The following UBE2J2 variants were observed in gnomAD, a reference collection of about 807,000 sequenced individuals.
UBE2J2 encodes the protein ubiquitin conjugating enzyme E2 J2.
UBE2J2 carries 5 observed loss-of-function variants against 28.6 expected under a neutral mutation model. The ratio of observed to expected loss-of-function variants is 0.17; its 90% confidence interval spans 0.09 to 0.37. The LOEUF (loss-of-function observed/expected upper bound fraction) is 0.37, where lower values mean the gene tolerates loss of function less well. UBE2J2 is among the 10% of genes least tolerant of loss of function. The probability of loss-of-function intolerance (pLI) is 1.00; values close to 1 mark genes in which losing one functional copy is unlikely to be tolerated. For synonymous variants in UBE2J2, 138 were observed against 139.7 expected, an observed-to-expected ratio of 0.99 and a Z score of 0.09; for missense variants, 226 against 338.9, an observed-to-expected ratio of 0.67 and a Z score of 2.62.
chr1:1,272,211 T>G (rs1389909044), intron 1 of UBE2J2, among the ~76,000 whole-genome samples: 1 of 151,776 alleles, frequency 6.6e-6, no homozygotes, highest in Non-Finnish European at 1.5e-5. Flanking sequence ...CATATGTGCC[T>G]CGGGTTCCCT....
At chr1:1,264,303 C>T (rs999829636) in intron 2 of UBE2J2, among the ~76,000 whole-genome samples, 5 of 152,198 alleles carry the variant, frequency 3.3e-5, no homozygotes, top group South Asian at 2.1e-4. Context: ...TTCTGCTTTA[C>T]GTAAAGAAGT....
Position 1,267,988 on chromosome 1 carries a change from C to T in UBE2J2, c.5G>A (p.Ser2Asn). 1 of 1,613,918 alleles carries T rather than the reference C, an allele frequency of 6.2e-7. No individual in the cohort carries two copies. Among genetic ancestry groups the T allele is most frequent in the Non-Finnish European group, 8.5e-7 (1 of 1,179,944 alleles). M[S>N]STSSKRAPTT... The stretch of plus-strand genomic sequence containing the variant: ...CGGAGCCCTCTTACTGCTGGTGCTG[C>T]TCATCTGTTAAAAGCAACGTCTACA... The change falls in exon 2 of 7, where the codon AGC becomes AAC. Residue 2 changes from serine to asparagine, a missense_variant. Ser to Asn is a conservative substitution (Grantham distance 46, BLOSUM62 1). Coordinates refer to ENST00000349431, the MANE Select transcript of UBE2J2 (RefSeq NM_058167.3).
At chr1:1,262,058 T>C (rs946479431) in intron 3 of UBE2J2, 1 of 261,264 alleles carries the variant, frequency 3.8e-6, no homozygotes, top group African/African-American at 2.3e-5. Context: ...GGTTTCTCCG[T>C]GTTGGTCAGG....
chr1:1,260,569 G>A (rs915325788), intron 3 of UBE2J2, among the ~76,000 whole-genome samples: 2 of 152,190 alleles, frequency 1.3e-5, no homozygotes, highest in African/African-American at 4.8e-5. Flanking sequence ...GGCACCAAGA[G>A]CCACACACAC....
Position 1,257,333 on chromosome 1 carries a change from G to A in UBE2J2, c.173-23C>T, listed in dbSNP as rs755753133. On this transcript the variant is annotated intron_variant, in intron 3 of 6. Transcript: ENST00000349431. ...CACCTACATGGAAACAAAACAGAAA[G>A]GGCCTTGTCGTCCGCCACAGCAGGG... The A allele has an allele frequency of 3.3e-6, 5 of 1,522,708 alleles. No individual in the cohort carries two copies. In the African/African-American group the frequency reaches 5.6e-5, roughly 17 times the overall value. 94.3% of individuals were successfully genotyped at this position (1,522,708 alleles called of 1,614,324 possible). A position where few individuals can be genotyped will look rare whatever the true frequency, so the allele number is the denominator to read the frequency against.
At chr1:1,263,142 CCTG>C in intron 3 of UBE2J2, 1 of 554,592 alleles carries the variant, frequency 1.8e-6, no homozygotes, top group South Asian at 2.0e-5. Flanking sequence ...TACAGGCGGC[CCTG>C]CAGGCTGAGA....
intron 1 of UBE2J2, among the ~76,000 whole-genome samples, chr1:1,270,141 C>T (rs2100241938): frequency 6.6e-6 from 1 of 152,302 alleles, no homozygotes; most frequent in Middle Eastern, 3.4e-3. Context: ...TTGTAAGTTT[C>T]CTGAGGCCTC....
At chr1:1,271,550 T>C (rs1181578881) in intron 1 of UBE2J2, 2 of 152,114 alleles carry the variant, frequency 1.3e-5, no homozygotes, top group African/African-American at 4.8e-5. Flanking sequence ...ACGATTCAAC[T>C]GCTGTTTCCC....
At position 1,268,056 on chromosome 1, in the gene UBE2J2, C is replaced by T. The variant is rs952559397; in HGVS notation, c.1-64G>A. 5.1e-5 allele frequency: 81 copies of T among 1,587,044 alleles called. No individual in the cohort carries two copies. The highest frequency in any genetic ancestry group is 6.4e-5 in the Non-Finnish European group (74 of 1,163,676). On this transcript the variant is annotated intron_variant, in intron 1 of 6. Transcript: ENST00000349431. The surrounding 1 kb of genome is among the most constrained non-coding windows in gnomAD (Gnocchi z 4.7). ...CGCCGGCCACAGCTCTCTCCCCTGG[C>T]GCAGCCCCACTCCCGCCTCTGCAGC...
chr1:1,256,009 G>A (rs1639153719), intron 6 of UBE2J2, 36 bp downstream of exon 6: 6 of 1,414,468 alleles, frequency 4.2e-6, no homozygotes, highest in South Asian at 3.5e-5. Context: ...GTGTTTTAAC[G>A]CAGGGGAAGG....
rs77496400 is a variant in UBE2J2 at position 1,269,944 on chromosome 1, T to C, written c.1-1952A>G. The stretch of plus-strand genomic sequence containing the variant: ...ATCTTATATTGACTTGTAATCCCCA[T>C]AATCCCCCATGTTGAGGGAGGGACC... On this transcript the variant is annotated intron_variant, in intron 1 of 6. Transcript: ENST00000349431. 4.9e-3 allele frequency among the ~76,000 whole-genome samples: 750 copies of C among 152,288 alleles called. 5 individuals are homozygous for C. Among genetic ancestry groups the C allele is most frequent in the Middle Eastern group, 0.02 (6 of 294 alleles).
At chr1:1,266,174 G>T (rs865847466) in intron 2 of UBE2J2, 36 of 1,298,770 alleles carry the variant, frequency 2.8e-5, no homozygotes, top group Non-Finnish European at 3.7e-5. Flanking sequence ...AAGGGGCTCC[G>T]CCTCACCCTG....
At chr1:1,266,140 G>C (rs1639847711) in intron 2 of UBE2J2, 1 of 1,303,840 alleles carries the variant, frequency 7.7e-7, no homozygotes, top group Admixed American at 2.3e-5. Flanking sequence ...TTCAACACTG[G>C]GGGCAGAGAG....
In UBE2J2 at chr1:1,255,192, G is replaced by C; in HGVS notation, c.*11C>G. ...GCCCTCAGTGGCGCCTTGGGTCTCGGCGCCTGGGCCTCACTCCTGCGCGAT... is the reference window on the plus strand; with the variant it reads ...GCCCTCAGTGGCGCCTTGGGTCTCGCCGCCTGGGCCTCACTCCTGCGCGAT... On this transcript the variant is annotated 3_prime_UTR_variant, in exon 7 of 7. Coordinates refer to ENST00000349431, the MANE Select transcript of UBE2J2 (RefSeq NM_058167.3). 1 of 1,569,414 alleles carries C rather than the reference G, an allele frequency of 6.4e-7. No individual in the cohort carries two copies. The highest frequency in any genetic ancestry group is 8.7e-7 in the Non-Finnish European group (1 of 1,153,280).
rs573956139 is a variant in UBE2J2 at position 1,263,377 on chromosome 1, G to A, written c.141C>T (p.Val47=). 14 of 1,613,190 alleles carry A rather than the reference G, an allele frequency of 8.7e-6. No homozygotes were observed. The East Asian group carries it at 8.9e-5, about 10-fold the overall frequency. The part of the protein sequence containing the change: ...LPSNILEWHY[V]VRGPEMTPYE... ...AAGGGGTCATCTCTGGGCCTCGGAC[G>A]ACATAGTGCCTAAGGGAGAGAAGAA... The change falls in exon 3 of 7, where the codon GTC becomes GTT. Residue 47 remains valine (V), a synonymous_variant. Transcript: ENST00000349431.
intron 3 of UBE2J2, among the ~76,000 whole-genome samples, chr1:1,260,439 G>T (rs1207963556): frequency 6.6e-6 from 1 of 152,034 alleles, no homozygotes; most frequent in Non-Finnish European, 1.5e-5. Flanking sequence ...GCCTCACTGC[G>T]TGCGCACACC....
At chr1:1,262,639 T>G (rs1206669103) in intron 3 of UBE2J2, among the ~76,000 whole-genome samples, 1 of 152,202 alleles carries the variant, frequency 6.6e-6, no homozygotes, top group Non-Finnish European at 1.5e-5. Flanking sequence ...ACTGCTGACC[T>G]GGCCCTGCTC....
intron 2 of UBE2J2, chr1:1,264,941 A>G (rs928988713): frequency 2.0e-5 from 3 of 153,390 alleles, no homozygotes; most frequent in Admixed American, 6.5e-5. Context: ...AGTAATGTAT[A>G]CTAATGGGAT....
intron 1 of UBE2J2, among the ~76,000 whole-genome samples, chr1:1,272,147 AT>A (rs1281519394): frequency 6.6e-6 from 1 of 151,838 alleles, no homozygotes; most frequent in African/African-American, 2.4e-5. Flanking sequence ...GAGACCCTGT[AT>A]CAAAAAAAAA....
Sources: allele counts gnomAD v4.1 joint callset (sites outside exome capture counted in the v4.1 genomes callset), GRCh38; gene constraint gnomAD v4.1.1; non-coding constraint Gnocchi (gnomAD v3.1); transcripts MANE v1.5; gene names NCBI Gene and HGNC (gene_info 2026-07-23, HGNC 2026-07-21).